The following RAB8B variants were observed in gnomAD, a reference collection of about 807,000 sequenced individuals.
The protein encoded by RAB8B is RAB8B, member RAS oncogene family.
A neutral mutation model predicts 32.0 loss-of-function variants in RAB8B; 11 were observed. That is an observed-to-expected ratio of 0.34 (90% CI 0.22 to 0.57). The LOEUF is 0.57. Among genes scored for constraint, RAB8B ranks in the 20% least tolerant of loss-of-function variants. RAB8B has a pLI of 0.86. For missense variants in RAB8B, 190 were observed against 258.5 expected (o/e 0.73, Z 1.82); for synonymous variants, 103 against 89.6 (o/e 1.15, Z -0.85).
At chr15:63,216,251 C>G (rs1297895818) in intron 1 of RAB8B, among the ~76,000 whole-genome samples, 4 of 132,656 alleles carry the variant, frequency 3.0e-5, no homozygotes, top group Non-Finnish European at 6.2e-5. Flanking sequence ...TTTTTGGAGA[C>G]AGAGTCTTGC....
Position 63,200,248 on chromosome 15 carries a change from C to T in RAB8B, c.124+10500C>T, listed in dbSNP as rs562370250. Among the ~76,000 whole-genome samples, 4 of 152,262 alleles carry T rather than the reference C, an allele frequency of 2.6e-5. No homozygotes were observed. The South Asian group carries it at 8.3e-4, about 32-fold the overall frequency. ...CTGGTAGACACTAGTGTTTTGATGA[C>T]ATGAAGACAGAAGAAGAAGTAGCAT... On this transcript the variant is annotated intron_variant, in intron 1 of 7. Coordinates refer to ENST00000321437, the MANE Select transcript of RAB8B (RefSeq NM_016530.3).
chr15:63,215,891 A>G (rs1274336794), intron 1 of RAB8B, among the ~76,000 whole-genome samples: 1 of 152,044 alleles, frequency 6.6e-6, no homozygotes, highest in Non-Finnish European at 1.5e-5. Context: ...TTTAAAAATT[A>G]GCCAGGTGTG....
intron 1 of RAB8B, chr15:63,222,910 CT>C: frequency 1.3e-5 from 4 of 298,666 alleles, no homozygotes; most frequent in South Asian, 1.1e-4. Flanking sequence ...TAATGTTGTA[CT>C]ACAGTTACCT....
intron 1 of RAB8B, among the ~76,000 whole-genome samples, chr15:63,214,314 C>T (rs143517680): frequency 1.8e-4 from 19 of 108,046 alleles, no homozygotes; most frequent in East Asian, 1.3e-3. Context: ...TTTTTTGAGA[C>T]GGAGTCTCAC....
intron 5 of RAB8B, among the ~76,000 whole-genome samples, chr15:63,258,975 AG>A (rs1328879228): frequency 1.3e-5 from 2 of 152,114 alleles, no homozygotes; most frequent in Non-Finnish European, 2.9e-5. Flanking sequence ...ATTTAGTTCT[AG>A]GAAGTCAATG....
chr15:63,244,113 G>C (rs2038052980), intron 1 of RAB8B, among the ~76,000 whole-genome samples: 1 of 152,192 alleles, frequency 6.6e-6, no homozygotes, highest in African/African-American at 2.4e-5. Context: ...ATTTCAACCT[G>C]AGTTTTGGAG....
chr15:63,204,344 A>T (rs1245497585), intron 1 of RAB8B, among the ~76,000 whole-genome samples: 1 of 152,084 alleles, frequency 6.6e-6, no homozygotes, highest in Non-Finnish European at 1.5e-5. Flanking sequence ...TCAGCCCTTG[A>T]CCTCGGGTGC....
intron 1 of RAB8B, among the ~76,000 whole-genome samples, chr15:63,233,038 TC>T (rs2141129324): frequency 6.9e-6 from 1 of 144,192 alleles, no homozygotes; most frequent in South Asian, 2.2e-4. Flanking sequence ...CTCTTTTTTT[TC>T]AATCTAAGTA....
intron 1 of RAB8B, among the ~76,000 whole-genome samples, chr15:63,193,638 G>A (rs368000972): frequency 2.6e-5 from 4 of 152,052 alleles, no homozygotes; most frequent in South Asian, 2.1e-4. Context: ...GGTGAACCCC[G>A]TCTCTACTAA....
intron 1 of RAB8B, among the ~76,000 whole-genome samples, chr15:63,199,549 A>G (rs2037630698): frequency 6.6e-6 from 1 of 152,208 alleles, no homozygotes; most frequent in Non-Finnish European, 1.5e-5. Flanking sequence ...TTTAACATGC[A>G]CAAAATTCCA....
chr15:63,240,666 C>G (rs1006519683), intron 1 of RAB8B, among the ~76,000 whole-genome samples: 1 of 151,986 alleles, frequency 6.6e-6, no homozygotes, highest in Middle Eastern at 3.4e-3. Context: ...TCAGTTGGCC[C>G]TTGACAACAG....
chr15:63,252,080 C>A (rs1033344126), intron 3 of RAB8B, among the ~76,000 whole-genome samples: 3 of 151,482 alleles, frequency 2.0e-5, no homozygotes, highest in Non-Finnish European at 4.4e-5. Flanking sequence ...AGACCAACAC[C>A]ATCTTCTGAA....
intron 1 of RAB8B, among the ~76,000 whole-genome samples, chr15:63,235,717 G>A (rs2037972969): frequency 6.6e-6 from 1 of 150,380 alleles, no homozygotes; most frequent in Non-Finnish European, 1.5e-5. Context: ...TGTTGTTTTG[G>A]CATTTTAAAT....
intron 1 of RAB8B, among the ~76,000 whole-genome samples, chr15:63,210,090 C>G (rs2037735072): frequency 6.6e-6 from 1 of 152,208 alleles, no homozygotes; most frequent in South Asian, 2.1e-4. Context: ...CTAGACATCT[C>G]AGAGTAGGAT....
chr15:63,203,537 G>A (rs905101697), intron 1 of RAB8B, among the ~76,000 whole-genome samples: 2 of 152,202 alleles, frequency 1.3e-5, no homozygotes, highest in Non-Finnish European at 2.9e-5. Flanking sequence ...GTTCACTGAG[G>A]GTAGGTCCAG....
intron 1 of RAB8B, among the ~76,000 whole-genome samples, chr15:63,227,469 G>C (rs995237681): frequency 6.6e-6 from 1 of 152,196 alleles, no homozygotes; most frequent in Non-Finnish European, 1.5e-5. Flanking sequence ...TGCTGCAAAC[G>C]TACTTTTGGA....
chr15:63,242,201 A>G (rs964047353), intron 1 of RAB8B, among the ~76,000 whole-genome samples: 2 of 151,854 alleles, frequency 1.3e-5, no homozygotes, highest in East Asian at 3.9e-4. Flanking sequence ...ATTTCAAGAC[A>G]CAAGAGTATC....
rs1189902239 is a variant in RAB8B at position 63,255,600 on chromosome 15, G to A, written c.324+16G>A. 2 of 1,565,010 alleles carry A rather than the reference G, an allele frequency of 1.3e-6. No homozygotes were observed. The highest frequency in any genetic ancestry group is 2.7e-5 in the African/African-American group (2 of 73,802). On this transcript the variant is annotated intron_variant, in intron 4 of 7. Transcript: ENST00000321437. Reference sequence around the variant, plus strand: ...CATTGAAGAGGTATGTGTGGAAAGAGAATGGTGACATTGGAGAAGAGTCCT... The same window carrying A: ...CATTGAAGAGGTATGTGTGGAAAGAAAATGGTGACATTGGAGAAGAGTCCT...
rs1449511850 is a variant in RAB8B at position 63,192,778 on chromosome 15, TTTC to T, written c.124+3038_124+3040del. On this transcript the variant is annotated intron_variant, in intron 1 of 7. Transcript: ENST00000321437. Reference sequence around the variant, plus strand: ...CCAGATACAGTTGTCTCAGAGATACTTTCTTCTTCTCACTTCTCTAAGGTCTTG... The same window carrying T: ...CCAGATACAGTTGTCTCAGAGATACTTTCTTCTCACTTCTCTAAGGTCTTG... Among the ~76,000 whole-genome samples, 6 of 152,178 alleles carry T rather than the reference TTTC, an allele frequency of 3.9e-5. No individual in the cohort carries two copies. In the East Asian group the frequency reaches 7.7e-4, roughly 20 times the overall value.
Sources: allele counts gnomAD v4.1 joint callset (sites outside exome capture counted in the v4.1 genomes callset), GRCh38; gene constraint gnomAD v4.1.1; transcripts MANE v1.5; gene names NCBI Gene and HGNC (gene_info 2026-07-23, HGNC 2026-07-21).